The following PPARGC1A variants were observed in gnomAD, a reference collection of about 807,000 sequenced individuals.
PPARGC1A encodes peroxisome proliferator-activated receptor gamma coactivator 1-alpha.
PPARGC1A carries 25 observed loss-of-function variants against 88.7 expected under a neutral mutation model. The ratio of observed to expected loss-of-function variants is 0.28; its 90% CI spans 0.21 to 0.39. PPARGC1A has a LOEUF of 0.39. Ranked by LOEUF, PPARGC1A falls within the 10% of genes least tolerant of loss-of-function variation. PPARGC1A has a pLI of 1.00. For synonymous variants in PPARGC1A, 363 were observed against 355.6 expected (o/e 1.02, Z -0.24); for missense variants, 880 against 968.7 (o/e 0.91, Z 1.22).
chr4:24,099,682 T>A, the PPARGC1A span, among the ~76,000 whole-genome samples: 13 of 152,188 alleles, frequency 8.5e-5, no homozygotes, highest in Non-Finnish European at 1.2e-4. Flanking sequence ...TACGTACTTG[T>A]AACATAACTA....
At chr4:24,226,648 T>C in the PPARGC1A span, among the ~76,000 whole-genome samples, 1 of 152,230 alleles carries the variant, frequency 6.6e-6, no homozygotes, top group Non-Finnish European at 1.5e-5. Flanking sequence ...GGAGCTAAGG[T>C]AACACAGAAG....
At chr4:24,330,025 CATT>C in the PPARGC1A span, among the ~76,000 whole-genome samples, 1 of 152,202 alleles carries the variant, frequency 6.6e-6, no homozygotes. Context: ...CCTCCCTTAT[CATT>C]ATCATCATCA....
the PPARGC1A span, among the ~76,000 whole-genome samples, chr4:24,048,990 C>G: frequency 3.3e-5 from 5 of 151,908 alleles, no homozygotes; most frequent in Non-Finnish European, 5.9e-5. Context: ...ATAGGGAACT[C>G]TCAATTATCC....
the PPARGC1A span, among the ~76,000 whole-genome samples, chr4:24,193,769 C>A: frequency 7.2e-5 from 11 of 152,156 alleles, no homozygotes; most frequent in African/African-American, 2.7e-4. Context: ...AGGCAATGTG[C>A]CTTTTCTCTG....
At chr4:24,350,747 G>A in the PPARGC1A span, among the ~76,000 whole-genome samples, 30 of 152,230 alleles carry the variant, frequency 2.0e-4, no homozygotes, top group African/African-American at 4.1e-4. Context: ...ATTCACTACC[G>A]GCAGAACATG....
the PPARGC1A span, among the ~76,000 whole-genome samples, chr4:24,175,806 A>G: frequency 9.1e-4 from 138 of 152,140 alleles, no homozygotes; most frequent in Middle Eastern, 3.4e-3. Flanking sequence ...TCCCGCTCTT[A>G]TCTTTACTCA....
At chr4:24,266,419 T>A in the PPARGC1A span, among the ~76,000 whole-genome samples, 1 of 152,092 alleles carries the variant, frequency 6.6e-6, no homozygotes, top group South Asian at 2.1e-4. Flanking sequence ...GGTCATGGGT[T>A]TAGCATTCAT....
the PPARGC1A span, among the ~76,000 whole-genome samples, chr4:24,309,455 A>C: frequency 3.3e-5 from 5 of 152,190 alleles, no homozygotes; most frequent in Admixed American, 3.3e-4. Context: ...GAGGTTGCAG[A>C]GGTAGGCAGG....
chr4:23,918,360 T>C, the PPARGC1A span, among the ~76,000 whole-genome samples: 1 of 151,874 alleles, frequency 6.6e-6, no homozygotes, highest in Non-Finnish European at 1.5e-5. Flanking sequence ...TAGCTGGAAT[T>C]ATAGGTGCCA....
At chr4:24,102,240 G>A in the PPARGC1A span, among the ~76,000 whole-genome samples, 1 of 152,154 alleles carries the variant, frequency 6.6e-6, no homozygotes, top group African/African-American at 2.4e-5. Context: ...TTTCACTTCA[G>A]TACAGACCAC....
the PPARGC1A span, among the ~76,000 whole-genome samples, chr4:23,967,762 G>C: frequency 6.6e-6 from 1 of 151,936 alleles, no homozygotes; most frequent in Admixed American, 6.5e-5. Context: ...ATTGTAATGA[G>C]TAAGGCAGAC....
chr4:24,435,906 G>A, the PPARGC1A span, among the ~76,000 whole-genome samples: 1 of 152,114 alleles, frequency 6.6e-6, no homozygotes, highest in African/African-American at 2.4e-5. Flanking sequence ...CCCTGCTACC[G>A]GGCCTCAGTC....
chr4:24,178,078 T>C, the PPARGC1A span, among the ~76,000 whole-genome samples: 1 of 152,302 alleles, frequency 6.6e-6, no homozygotes, highest in East Asian at 1.9e-4. Context: ...TTGGTGAAAA[T>C]ATTTGAGATA....
the PPARGC1A span, among the ~76,000 whole-genome samples, chr4:24,139,486 C>G: frequency 6.6e-6 from 1 of 152,030 alleles, no homozygotes; most frequent in East Asian, 1.9e-4. Context: ...GTAAAATACT[C>G]AGAATGTTTG....
At chr4:23,889,862 G>A in intron 1 of PPARGC1A, 42 bp downstream of exon 1, 1 of 1,603,280 alleles carries the variant, frequency 6.2e-7, no homozygotes, top group Non-Finnish European at 8.5e-7. Flanking sequence ...TCTGAGGGAA[G>A]CGTCAGTTGT....
At chr4:24,098,544 C>A in the PPARGC1A span, among the ~76,000 whole-genome samples, 2 of 152,258 alleles carry the variant, frequency 1.3e-5, no homozygotes, top group Admixed American at 6.5e-5. Flanking sequence ...AGATAGAAAG[C>A]AAAAGACCCA....
the PPARGC1A span, among the ~76,000 whole-genome samples, chr4:24,452,729 T>C: frequency 6.6e-6 from 1 of 152,182 alleles, no homozygotes; most frequent in Non-Finnish European, 1.5e-5. Context: ...GATAAATAAA[T>C]ATGCTGCCTT....
chr4:24,315,839 AT>A, the PPARGC1A span, among the ~76,000 whole-genome samples: 1 of 152,214 alleles, frequency 6.6e-6, no homozygotes, highest in Non-Finnish European at 1.5e-5. Context: ...TCATTTGTAG[AT>A]TAGACTGCCA....
the PPARGC1A span, among the ~76,000 whole-genome samples, chr4:24,252,522 C>T: frequency 1.3e-5 from 2 of 152,238 alleles, no homozygotes; most frequent in Non-Finnish European, 2.9e-5. Context: ...CTCACTAATG[C>T]TATGGTTTCC....
Sources: gnomAD v4.1 joint callset for allele counts (sites outside exome capture counted in the v4.1 genomes callset) on GRCh38, gnomAD v4.1.1 for gene constraint, MANE v1.5 for transcripts, NCBI Gene and HGNC (gene_info 2026-07-23, HGNC 2026-07-21) for gene names.